The following DLC1 variants were observed in gnomAD, a reference collection of about 807,000 sequenced individuals.
The protein encoded by DLC1 is rho GTPase-activating protein 7.
A neutral mutation model predicts 140.3 loss-of-function variants in DLC1; 54 were observed. The ratio of observed to expected loss-of-function variants is 0.38; its 90% CI spans 0.31 to 0.48. The LOEUF is 0.48. Ranked by LOEUF, DLC1 falls within the 20% of genes least tolerant of loss-of-function variation. The pLI is 0.96. For synonymous variants in DLC1, 986 were observed against 728.1 expected (o/e 1.35, Z -5.70); for missense variants, 2,536 against 1,907.0 (o/e 1.33, Z -6.14).
rs544438487 is a variant in DLC1 at position 13,217,844 on chromosome 8, A to C, written c.1348+87425T>G. On this transcript the variant is annotated intron_variant, in intron 5 of 17. Transcript: ENST00000276297. ...CAGAGTGAGACTCCATTTCAAAAAA[A>C]AAACAACAACAAAAAAAAACCAACC... is the stretch of plus-strand genomic sequence containing the variant. Among the ~76,000 whole-genome samples, 314 of 150,416 alleles carry C rather than the reference A, an allele frequency of 2.1e-3. 1 individual carries two copies. The highest frequency in any genetic ancestry group is 5.9e-3 in the South Asian group (28 of 4,738).
chr8:13,425,804 T>C (rs962689666), intron 2 of DLC1, among the ~76,000 whole-genome samples: 1 of 152,158 alleles, frequency 6.6e-6, no homozygotes, highest in Admixed American at 6.5e-5. Flanking sequence ...GGTGATAGGG[T>C]CTCACTGTTG....
intron 1 of DLC1, among the ~76,000 whole-genome samples, chr8:13,504,896 T>C (rs1801984483): frequency 6.6e-6 from 1 of 152,086 alleles, no homozygotes; most frequent in Non-Finnish European, 1.5e-5. Context: ...GAGGAAGGTA[T>C]AGAATTTTCA....
At chr8:13,169,792 G>T (rs1825339604) in intron 5 of DLC1, among the ~76,000 whole-genome samples, 3 of 152,130 alleles carry the variant, frequency 2.0e-5, no homozygotes, top group Admixed American at 2.0e-4. Flanking sequence ...GGGAGGCCAA[G>T]GTGGGGGGGT....
At chr8:13,147,170 A>C (rs1823496703) in intron 5 of DLC1, among the ~76,000 whole-genome samples, 1 of 152,228 alleles carries the variant, frequency 6.6e-6, no homozygotes, top group Non-Finnish European at 1.5e-5. Flanking sequence ...TGTATCATTT[A>C]GATTCTTCCT....
intron 2 of DLC1, among the ~76,000 whole-genome samples, chr8:13,444,592 T>A (rs1439586953): frequency 6.6e-6 from 1 of 152,214 alleles, no homozygotes; most frequent in East Asian, 1.9e-4. Flanking sequence ...AAAAAATCTT[T>A]AATTATATTT....
rs552826260 is a variant in DLC1 at position 13,473,795 on chromosome 8, T to C, written c.1023+25254A>G. The stretch of plus-strand genomic sequence containing the variant: ...CCCTTCGCTAGAGATTTTTGGAACT[T>C]TGAACTTGAGAGAGATGATTTGTTA... On this transcript the variant is annotated intron_variant, in intron 2 of 17. Transcript: ENST00000276297. 5.3e-5 allele frequency among the ~76,000 whole-genome samples: 8 copies of C among 152,268 alleles called. No individual in the cohort carries two copies. In the South Asian group the frequency reaches 1.5e-3, roughly 28 times the overall value.
rs139456093 is a variant in DLC1, at chr8:13,307,963, CTA to C, written c.1315-2663_1315-2662del. On this transcript the variant is annotated intron_variant, in intron 4 of 17. Coordinates refer to ENST00000276297, the MANE Select transcript of DLC1 (RefSeq NM_182643.3). Reference sequence around the variant, plus strand: ...CATTTACTTAGAACACAAAATACCTCTATAGGAATATTTTGTATGAGACATTT... The same window carrying C: ...CATTTACTTAGAACACAAAATACCTCTAGGAATATTTTGTATGAGACATTT... 2.0e-4 allele frequency among the ~76,000 whole-genome samples: 30 copies of C among 152,308 alleles called. No individual in the cohort carries two copies. The East Asian group carries it at 5.8e-3, about 29-fold the overall frequency.
At chr8:13,295,942 G>T (rs13250733) in intron 5 of DLC1, among the ~76,000 whole-genome samples, 24,247 of 72,426 alleles carry the variant, frequency 0.33, 3,978 homozygotes, top group Middle Eastern at 0.52. Context: ...AAGATTCTTT[G>T]TTTTTTTTTT....
chr8:13,172,252 C>G (rs1825526169), intron 5 of DLC1, among the ~76,000 whole-genome samples: 1 of 152,156 alleles, frequency 6.6e-6, no homozygotes, highest in African/African-American at 2.4e-5. Context: ...TATTTTCAAC[C>G]TCACTAATGG....
At chr8:13,398,411 C>A (rs1361780699) in intron 3 of DLC1, among the ~76,000 whole-genome samples, 1 of 151,912 alleles carries the variant, frequency 6.6e-6, no homozygotes, top group African/African-American at 2.4e-5. Flanking sequence ...ACTGGCACTG[C>A]TGGATCTGTC....
At chr8:13,241,450 G>T (rs1311318278) in intron 5 of DLC1, among the ~76,000 whole-genome samples, 1 of 151,994 alleles carries the variant, frequency 6.6e-6, no homozygotes. Flanking sequence ...CTCAGTTTCT[G>T]GTTTTCCATC....
At chr8:13,601,870 A>G (rs1805898966) in intron 1 of DLC1, among the ~76,000 whole-genome samples, 1 of 151,768 alleles carries the variant, frequency 6.6e-6, no homozygotes, top group Non-Finnish European at 1.5e-5. Context: ...TGCAATATTT[A>G]TATTTCATTT....
intron 1 of DLC1, among the ~76,000 whole-genome samples, chr8:13,564,732 C>A (rs1393157728): frequency 2.6e-5 from 4 of 152,148 alleles, no homozygotes; most frequent in South Asian, 2.1e-4. Flanking sequence ...CTTATAGCTG[C>A]AAAGCATTCT....
At chr8:13,586,418 G>A (rs764676056) in intron 1 of DLC1, among the ~76,000 whole-genome samples, 3 of 152,120 alleles carry the variant, frequency 2.0e-5, no homozygotes, top group Non-Finnish European at 4.4e-5. Context: ...TGGCTCATAC[G>A]TTCTCATTAT....
At chr8:13,537,779 G>C (rs1398374588) in intron 1 of DLC1, among the ~76,000 whole-genome samples, 1 of 149,292 alleles carries the variant, frequency 6.7e-6, no homozygotes, top group Non-Finnish European at 1.5e-5. Flanking sequence ...TCAGCCTCCT[G>C]AGTAGCTAGG....
At chr8:13,170,135 T>C (rs1445543253) in intron 5 of DLC1, among the ~76,000 whole-genome samples, 6 of 152,214 alleles carry the variant, frequency 3.9e-5, no homozygotes, top group African/African-American at 1.4e-4. Flanking sequence ...AGCATATAAT[T>C]TTTTGGCTAA....
At chr8:13,134,918 C>G (rs555856139) in intron 5 of DLC1, among the ~76,000 whole-genome samples, 1 of 152,282 alleles carries the variant, frequency 6.6e-6, no homozygotes, top group Non-Finnish European at 1.5e-5. Context: ...TTTTTACCTA[C>G]TGGTAACTGC....
chr8:13,177,231 T>G (rs933550177), intron 5 of DLC1, among the ~76,000 whole-genome samples: 3 of 152,180 alleles, frequency 2.0e-5, no homozygotes, highest in Non-Finnish European at 4.4e-5. Flanking sequence ...GAACAATTTT[T>G]GGGGGGTTTC....
At chr8:13,283,619 A>G (rs1313563134) in intron 5 of DLC1, among the ~76,000 whole-genome samples, 1 of 152,126 alleles carries the variant, frequency 6.6e-6, no homozygotes, top group East Asian at 1.9e-4. Context: ...AGCTCAAGCA[A>G]TCCTCTCACT....
Sources: gnomAD v4.1 joint callset for allele counts (sites outside exome capture counted in the v4.1 genomes callset) on GRCh38, gnomAD v4.1.1 for gene constraint, MANE v1.5 for transcripts, NCBI Gene and HGNC (gene_info 2026-07-23, HGNC 2026-07-21) for gene names.